Variants in ZFHX3 observed in about 807,000 individuals in gnomAD.
ZFHX3 encodes zinc finger homeobox protein 3.
In ZFHX3, 42 loss-of-function variants were observed where a neutral mutation model predicts 279.1. That is an observed-to-expected ratio of 0.15 (90% CI 0.12 to 0.19). ZFHX3 has a LOEUF of 0.19. Among genes scored for constraint, ZFHX3 ranks in the 10% least tolerant of loss-of-function variants. The pLI is 1.00. For synonymous variants in ZFHX3, 2,293 were observed against 1,957.8 expected (o/e 1.17, Z -4.52); for missense variants, 4,981 against 4,754.0 (o/e 1.05, Z -1.40).
intron 2 of ZFHX3, among the ~76,000 whole-genome samples, chr16:73,587,700 T>C (rs1363607432): frequency 6.6e-6 from 1 of 152,160 alleles, no homozygotes; most frequent in East Asian, 1.9e-4. Context: ...ACATACCCAA[T>C]AGAGAAATAG....
In ZFHX3 at chr16:73,495,954, C is replaced by A. The variant is rs7206829; in HGVS notation, c.-1546-39696G>T. Among the ~76,000 whole-genome samples the A allele has an allele frequency of 2.7e-3, 417 of 152,268 alleles. 1 individual carries two copies. The highest frequency in any genetic ancestry group is 0.01 in the Middle Eastern group (3 of 294). On this transcript the variant is annotated intron_variant, in intron 2 of 17. Transcript: ENST00000641206. ...GGGTTACATCACTTTTCATCACGGT[C>A]GTGCTGCAGAAACGTAGAGCACGAT... is the stretch of plus-strand genomic sequence containing the variant.
At chr16:73,352,863 C>T (rs773876561) in intron 3 of ZFHX3, among the ~76,000 whole-genome samples, 1 of 152,160 alleles carries the variant, frequency 6.6e-6, no homozygotes, top group Non-Finnish European at 1.5e-5. Context: ...TCCTCAGCTG[C>T]ACTGGTCAAT....
In ZFHX3 at chr16:73,834,952, A is replaced by G. The variant is rs141792054; in HGVS notation, c.-1608+56699T>C. Among the ~76,000 whole-genome samples the G allele has an allele frequency of 4.1e-3, 620 of 152,252 alleles. 6 individuals carry two copies. The highest frequency in any genetic ancestry group is 0.014 in the African/African-American group (568 of 41,550). On this transcript the variant is annotated intron_variant, in intron 1 of 17. Transcript: ENST00000641206. ...CATATACTCCATTTAACAGTGCACA[A>G]ATGTGACCTAGGCAAGATTTTGCAG...
chr16:73,664,978 G>C (rs7201370), intron 2 of ZFHX3, among the ~76,000 whole-genome samples: 1 of 152,110 alleles, frequency 6.6e-6, no homozygotes, highest in Non-Finnish European at 1.5e-5. Context: ...CCATTAGAGA[G>C]GGCAGATGTA....
rs950171516 is a variant in ZFHX3, at chr16:72,815,268, C to A, written c.3530-3230G>T. ...ACAAAAATTACAAAAATTAGCCAGG[C>A]GTGGTGGCAAGTGCTTATAGTCCTA... On this transcript the variant is annotated intron_variant, in intron 5 of 9. Coordinates refer to ENST00000268489, the MANE Select transcript of ZFHX3 (RefSeq NM_006885.4). Among the ~76,000 whole-genome samples, 4 of 151,918 alleles carry A rather than the reference C, an allele frequency of 2.6e-5. No individual in the cohort carries two copies. In the South Asian group the frequency reaches 8.3e-4, roughly 32 times the overall value.
intron 7 of ZFHX3, among the ~76,000 whole-genome samples, chr16:72,810,131 A>G (rs1409892386): frequency 6.6e-6 from 1 of 151,740 alleles, no homozygotes; most frequent in East Asian, 1.9e-4. Flanking sequence ...TGATCCACCC[A>G]CCTTGGCCTC....
intron 1 of ZFHX3, among the ~76,000 whole-genome samples, chr16:72,966,832 G>T (rs974205403): frequency 2.0e-5 from 3 of 152,200 alleles, no homozygotes; most frequent in African/African-American, 7.2e-5. Flanking sequence ...GAGAGGTGGG[G>T]TCACTATAAA....
chr16:73,385,060 GCTAAGAAGGCACA>G (rs2016875300), intron 3 of ZFHX3, among the ~76,000 whole-genome samples: 1 of 152,116 alleles, frequency 6.6e-6, no homozygotes, highest in Admixed American at 6.5e-5. Context: ...ATTTCATGAC[GCTAAGAAGGCACA>G]CTAAGAAGGA....
intron 1 of ZFHX3, among the ~76,000 whole-genome samples, chr16:73,771,499 T>C (rs182468344): frequency 3.9e-5 from 6 of 152,334 alleles, no homozygotes; most frequent in Middle Eastern, 3.4e-3. Flanking sequence ...ATTTTCCTCA[T>C]TGGCCTGCTT....
intron 8 of ZFHX3, chr16:73,092,405 T>C (rs1966094658): frequency 6.6e-6 from 1 of 152,210 alleles, no homozygotes; most frequent in Admixed American, 6.6e-5. Flanking sequence ...GAAAACGGAG[T>C]ATTGTTTCCA....
At chr16:73,224,358 G>A (rs2012522798) in intron 5 of ZFHX3, among the ~76,000 whole-genome samples, 1 of 152,204 alleles carries the variant, frequency 6.6e-6, no homozygotes, top group Non-Finnish European at 1.5e-5. Flanking sequence ...ATTACAAAAA[G>A]TAGATTTAGC....
intron 2 of ZFHX3, among the ~76,000 whole-genome samples, chr16:73,631,590 T>C (rs571578160): frequency 6.6e-6 from 1 of 152,328 alleles, no homozygotes; most frequent in South Asian, 2.1e-4. Flanking sequence ...TTATATTTTA[T>C]ATTTTTCTGT....
chr16:72,925,703 G>A (rs187664349), intron 3 of ZFHX3, among the ~76,000 whole-genome samples: 17 of 152,334 alleles, frequency 1.1e-4, no homozygotes, highest in African/African-American at 3.8e-4. Context: ...ATCTACAATA[G>A]TCCAGAATTT....
chr16:73,431,364 AC>A (rs2017908288), intron 3 of ZFHX3, among the ~76,000 whole-genome samples: 3 of 151,924 alleles, frequency 2.0e-5, no homozygotes, highest in African/African-American at 7.3e-5. Flanking sequence ...ATATGGTAAA[AC>A]CCCATCTCTA....
chr16:72,988,265 C>G (rs1403509469), intron 1 of ZFHX3, among the ~76,000 whole-genome samples: 1 of 152,182 alleles, frequency 6.6e-6, no homozygotes, highest in Non-Finnish European at 1.5e-5. Flanking sequence ...TTCTCAAAAC[C>G]TGAAAGGCTC....
chr16:73,180,643 A>G (rs1597206722), intron 5 of ZFHX3, among the ~76,000 whole-genome samples: 1 of 149,790 alleles, frequency 6.7e-6, no homozygotes, highest in Middle Eastern at 3.5e-3. Flanking sequence ...AGTGTGTATC[A>G]CTTGCTTACT....
At chr16:73,027,537 C>T (rs1023285281) in intron 1 of ZFHX3, among the ~76,000 whole-genome samples, 3 of 152,198 alleles carry the variant, frequency 2.0e-5, no homozygotes, top group Non-Finnish European at 4.4e-5. Context: ...TCCATAAATA[C>T]ACAACGCATG....
intron 2 of ZFHX3, among the ~76,000 whole-genome samples, chr16:73,592,671 G>T (rs557876038): frequency 2.6e-5 from 4 of 152,116 alleles, no homozygotes; most frequent in South Asian, 4.2e-4. Context: ...TGTAAATGAT[G>T]GGGGCCTTAG....
At chr16:73,685,707 T>C (rs1156771522) in intron 1 of ZFHX3, among the ~76,000 whole-genome samples, 4 of 152,194 alleles carry the variant, frequency 2.6e-5, no homozygotes, top group Non-Finnish European at 4.4e-5. Context: ...GAGCCTATTA[T>C]GTAATAATCA....
Sources: allele counts gnomAD v4.1 joint callset (sites outside exome capture counted in the v4.1 genomes callset), GRCh38; gene constraint gnomAD v4.1.1; transcripts MANE v1.5; gene names NCBI Gene and HGNC (gene_info 2026-07-23, HGNC 2026-07-21).